Variants in RP9 observed in about 807,000 individuals in gnomAD.
RP9 encodes RP9 pre-mRNA splicing factor.
In RP9, 23 loss-of-function variants were observed where a neutral mutation model predicts 32.6. That is an observed-to-expected ratio of 0.71 (90% confidence interval 0.51 to 1.00). RP9 has a LOEUF of 1.00. Ranked by LOEUF, RP9 falls within the 50% of genes least tolerant of loss-of-function variation. RP9 has a pLI of 0.00. For missense variants in RP9, 245 were observed against 285.3 expected (o/e 0.86, Z 1.02); for synonymous variants, 94 against 103.6 (o/e 0.91, Z 0.56).
rs951990668 is a variant in RP9, at chr7:33,095,831, T to C, written c.468-399A>G. On this transcript the variant is annotated intron_variant, in intron 5 of 5. Transcript: ENST00000297157. ...TCCACCTCTCTCTAATCATGTCTAATTTTTTTCTTTTTTTTTTAGAGACAG... is the reference window on the plus strand; with the variant it reads ...TCCACCTCTCTCTAATCATGTCTAACTTTTTTCTTTTTTTTTTAGAGACAG... Among the ~76,000 whole-genome samples the C allele has an allele frequency of 4.6e-5, 7 of 152,234 alleles. No homozygotes were observed. In the South Asian group the frequency reaches 8.3e-4, roughly 18 times the overall value.
At chr7:33,095,701 C>T (rs1321687929) in intron 5 of RP9, among the ~76,000 whole-genome samples, 1 of 152,230 alleles carries the variant, frequency 6.6e-6, no homozygotes, top group Admixed American at 6.5e-5. Context: ...TAATTTCTAA[C>T]AGACGCATAC....
intron 5 of RP9, 127 bp downstream of exon 5, chr7:33,096,366 T>G (rs976360353): frequency 4.0e-5 from 30 of 748,226 alleles, no homozygotes; most frequent in South Asian, 3.7e-4. Flanking sequence ...ACTCCTGCAC[T>G]CCACATATTT....
chr7:33,099,069 C>T, intron 3 of RP9: 1 of 584,082 alleles, frequency 1.7e-6, no homozygotes, highest in South Asian at 2.0e-5. Context: ...AGATCAGGGT[C>T]CCAGCAAGGT....
At chr7:33,101,648 G>C (rs148660262) in intron 1 of RP9, among the ~76,000 whole-genome samples, 24 of 151,978 alleles carry the variant, frequency 1.6e-4, no homozygotes, top group Admixed American at 1.5e-3. Context: ...AGATGTGGGA[G>C]AAAGCAACTT....
intron 1 of RP9, among the ~76,000 whole-genome samples, chr7:33,105,993 G>T (rs926894562): frequency 4.6e-5 from 7 of 151,972 alleles, no homozygotes; most frequent in African/African-American, 1.7e-4. Context: ...CACCTTTATG[G>T]TACTCAGATT....
intron 5 of RP9, among the ~76,000 whole-genome samples, chr7:33,095,967 G>C (rs1186357164): frequency 2.0e-5 from 3 of 152,042 alleles, no homozygotes; most frequent in African/African-American, 7.2e-5. Context: ...CGAGTGGCTG[G>C]AACTACAGGT....
In RP9 at chr7:33,099,009, C is replaced by G. The variant is rs139399339; in HGVS notation, c.313+298G>C. 301 of 478,098 alleles carry G rather than the reference C, an allele frequency of 6.3e-4. 4 individuals are homozygous for G. The East Asian group carries it at 0.01, about 17-fold the overall frequency. The allele number at this position is 478,098 out of a possible 1,614,324, so 29.6% of individuals were successfully genotyped here. A position where few individuals can be genotyped will look rare whatever the true frequency, so the allele number is the denominator to read the frequency against. Reference sequence around the variant, plus strand: ...AACAAAATGCCGTATTCTGGGTGGCCTAAACAACAGAAACTGGTTTTCTCA... The same window carrying G: ...AACAAAATGCCGTATTCTGGGTGGCGTAAACAACAGAAACTGGTTTTCTCA... On this transcript the variant is annotated intron_variant, in intron 3 of 5. Coordinates refer to ENST00000297157, the MANE Select transcript of RP9 (RefSeq NM_203288.2).
chr7:33,099,477 T>C (rs1464835386), intron 2 of RP9, 41 bp from the exon 3 acceptor site: 1 of 1,613,060 alleles, frequency 6.2e-7, no homozygotes, highest in African/African-American at 1.3e-5. Flanking sequence ...GCAAGAGCGC[T>C]GGGATTCTCT....
chr7:33,094,854 G>GA lies in RP9; in HGVS notation c.*379dup. 3.7e-6 allele frequency: 1 copy of GA among 266,706 alleles called. No individual in the cohort carries two copies. Among genetic ancestry groups the GA allele is most frequent in the Admixed American group, 4.8e-5 (1 of 20,728 alleles). The allele number at this position is 266,706 out of a possible 1,614,324, so 16.5% of individuals were successfully genotyped here. A position where few individuals can be genotyped will look rare whatever the true frequency, so the allele number is the denominator to read the frequency against. On this transcript the variant is annotated 3_prime_UTR_variant, in exon 6 of 6. Coordinates refer to ENST00000297157, the MANE Select transcript of RP9 (RefSeq NM_203288.2). Reference sequence around the variant, plus strand: ...TCAACAACAGAGAAGACTCCAGCCTGATGTCTATGGGACCTGAGTCCACAC... The same window carrying GA: ...TCAACAACAGAGAAGACTCCAGCCTGAATGTCTATGGGACCTGAGTCCACAC...
intron 1 of RP9, among the ~76,000 whole-genome samples, chr7:33,102,812 T>A (rs1788446855): frequency 6.6e-6 from 1 of 152,208 alleles, no homozygotes; most frequent in Admixed American, 6.5e-5. Context: ...AGGTCCACTC[T>A]GTTATGCCTG....
intron 1 of RP9, among the ~76,000 whole-genome samples, chr7:33,101,870 T>C (rs1405992765): frequency 1.3e-5 from 2 of 152,206 alleles, no homozygotes; most frequent in South Asian, 4.1e-4. Context: ...GTGAAGATGA[T>C]AGTTTATCTG....
At chr7:33,099,279 T>C (rs1345320595) in intron 3 of RP9, 28 bp downstream of exon 3, 2 of 1,611,896 alleles carry the variant, frequency 1.2e-6, no homozygotes, top group Admixed American at 1.7e-5. Context: ...GTAAGTTGCA[T>C]GGATTAGGGA....
intron 2 of RP9, 110 bp from the exon 3 acceptor site, chr7:33,099,546 C>T: frequency 1.8e-6 from 2 of 1,140,706 alleles, no homozygotes; most frequent in East Asian, 2.3e-5. Flanking sequence ...GTGCCAACAT[C>T]ATCTTAGTTA....
chr7:33,098,320 G>C (rs1414154964), intron 3 of RP9, among the ~76,000 whole-genome samples: 2 of 152,166 alleles, frequency 1.3e-5, no homozygotes, highest in Non-Finnish European at 2.9e-5. Context: ...GGAGGTTGAG[G>C]CTGCAGTAAG....
intron 1 of RP9, among the ~76,000 whole-genome samples, chr7:33,102,026 T>C (rs1562620871): frequency 6.6e-6 from 1 of 152,176 alleles, no homozygotes; most frequent in African/African-American, 2.4e-5. Flanking sequence ...CCAATCGAAT[T>C]GAGATCCAAA....
At chr7:33,103,979 G>A (rs1788464368) in intron 1 of RP9, among the ~76,000 whole-genome samples, 1 of 152,108 alleles carries the variant, frequency 6.6e-6, no homozygotes, top group Non-Finnish European at 1.5e-5. Context: ...AAAAACGAGT[G>A]AGTATCCTCA....
chr7:33,109,191 GC>G lies in RP9; in HGVS notation c.152+29del. ...CCGGGCCCCTGGCTTCAGAAGACTG[GC>G]CGCGCGCGGACGGCAGCTCGGGACT... On this transcript the variant is annotated intron_variant, in intron 1 of 5. Transcript: ENST00000297157. This position sits in a 1 kb window ranked among gnomAD's most constrained non-coding sequence, Gnocchi z 4.9. 1 of 1,484,926 alleles carries G rather than the reference GC, an allele frequency of 6.7e-7. No individual in the cohort carries two copies. Among genetic ancestry groups the G allele is most frequent in the Non-Finnish European group, 8.9e-7 (1 of 1,119,250 alleles). 92.0% of individuals were successfully genotyped at this position (1,484,926 alleles called of 1,614,324 possible).
At chr7:33,101,008 T>A (rs1434105919) in intron 1 of RP9, 2 of 144,678 alleles carry the variant, frequency 1.4e-5, no homozygotes, top group South Asian at 2.1e-4. Context: ...TAGGGAAGTA[T>A]TTTTTTTTTT....
chr7:33,100,086 A>G (rs1281031214), intron 2 of RP9: 1 of 218,588 alleles, frequency 4.6e-6, no homozygotes, highest in East Asian at 1.2e-4. Flanking sequence ...ACACCCTGGC[A>G]CCTTGGCCAG....
Sources: gnomAD v4.1 joint callset for allele counts (sites outside exome capture counted in the v4.1 genomes callset) on GRCh38, gnomAD v4.1.1 for gene constraint, Gnocchi (gnomAD v3.1) non-coding constraint, MANE v1.5 for transcripts, NCBI Gene and HGNC (gene_info 2026-07-23, HGNC 2026-07-21) for gene names.